Variants in LMLN observed in about 807,000 individuals in gnomAD.
LMLN encodes leishmanolysin-like peptidase.
In LMLN, 70 loss-of-function variants were observed where a neutral mutation model predicts 92.3. That is an observed-to-expected ratio of 0.76 (90% confidence interval 0.63 to 0.92). The LOEUF (loss-of-function observed/expected upper bound fraction) is 0.92. Ranked by LOEUF, LMLN falls within the 40% of genes least tolerant of loss-of-function variation. LMLN has a pLI of 0.00. For missense variants in LMLN, 691 were observed against 814.6 expected, an observed-to-expected ratio of 0.85 and a Z score of 1.85; for synonymous variants, 308 against 296.2, an observed-to-expected ratio of 1.04 and a Z score of -0.41.
At chr3:198,014,201 G>C (rs1179436506) in intron 11 of LMLN, among the ~76,000 whole-genome samples, 2 of 143,144 alleles carry the variant, frequency 1.4e-5, no homozygotes, top group African/African-American at 5.4e-5. Context: ...TGACTTCTCT[G>C]TACCCTTCAG....
At chr3:198,033,891 G>C (rs1035293747) in intron 14 of LMLN, among the ~76,000 whole-genome samples, 3 of 152,234 alleles carry the variant, frequency 2.0e-5, no homozygotes, top group African/African-American at 7.2e-5. Context: ...CGGAGTGACA[G>C]AGAAGAGGTC....
At chr3:198,013,821 G>T (rs28760486) in intron 11 of LMLN, among the ~76,000 whole-genome samples, 32,448 of 62,098 alleles carry the variant, frequency 0.52, 8,015 homozygotes, top group African/African-American at 0.79. Context: ...CTAACTAGTC[G>T]GACTTCTCTG....
At chr3:198,016,706 T>A (rs1299396496) in intron 11 of LMLN, among the ~76,000 whole-genome samples, 1 of 152,214 alleles carries the variant, frequency 6.6e-6, no homozygotes, top group Admixed American at 6.5e-5. Context: ...GTCCCAATTA[T>A]AACATCACCT....
intron 13 of LMLN, among the ~76,000 whole-genome samples, chr3:198,023,842 G>A (rs1397786610): frequency 6.6e-6 from 1 of 152,140 alleles, no homozygotes; most frequent in African/African-American, 2.4e-5. Context: ...TGGTTTTGCC[G>A]TTAAAGTAAT....
intron 5 of LMLN, among the ~76,000 whole-genome samples, chr3:197,978,749 A>T (rs1437188550): frequency 6.6e-5 from 10 of 152,064 alleles, no homozygotes; most frequent in Non-Finnish European, 1.5e-4. Flanking sequence ...CCAGCACTTT[A>T]GGGGGCTGAG....
At chr3:198,013,046 A>C (rs1341239857) in intron 11 of LMLN, among the ~76,000 whole-genome samples, 4 of 119,644 alleles carry the variant, frequency 3.3e-5, no homozygotes, top group East Asian at 2.3e-4. Flanking sequence ...AACTAGTCTG[A>C]CTTCTCTGTA....
intron 14 of LMLN, among the ~76,000 whole-genome samples, chr3:198,030,008 G>A (rs1199334084): frequency 6.6e-6 from 1 of 150,590 alleles, no homozygotes; most frequent in East Asian, 2.0e-4. Flanking sequence ...ATGCCTAGCT[G>A]TTTTTTTTTA....
chr3:197,989,887 T>A (rs928098480), intron 8 of LMLN, among the ~76,000 whole-genome samples: 1 of 151,750 alleles, frequency 6.6e-6, no homozygotes, highest in South Asian at 2.1e-4. Context: ...TTGAAAAAAA[T>A]TTTTCTGGAC....
chr3:197,971,786 T>C (rs1461979710), intron 1 of LMLN, among the ~76,000 whole-genome samples: 2 of 152,016 alleles, frequency 1.3e-5, no homozygotes, highest in Non-Finnish European at 1.5e-5. Flanking sequence ...TTTAGTGAAC[T>C]TCTTGGATCT....
chr3:197,993,626 A>G (rs1186868093), intron 9 of LMLN, among the ~76,000 whole-genome samples: 4 of 152,156 alleles, frequency 2.6e-5, no homozygotes, highest in African/African-American at 9.7e-5. Context: ...TTCATGGAGT[A>G]GAAGAATTAG....
At position 198,031,867 on chromosome 3, in the gene LMLN, C is replaced by A. The variant is rs559267990; in HGVS notation, c.1657-3966C>A. 6.6e-6 allele frequency among the ~76,000 whole-genome samples: 1 copy of A among 152,084 alleles called. No individual in the cohort carries two copies. The highest frequency in any genetic ancestry group is 2.1e-4 in the South Asian group (1 of 4,806). On this transcript the variant is annotated intron_variant, in intron 14 of 15. Coordinates refer to ENST00000330198, the Ensembl canonical transcript of LMLN. The surrounding 1 kb of genome is among the most constrained non-coding windows in gnomAD (Gnocchi z 4.8). ...CTGTAATCACAGCACTTTGGGAGCC[C>A]GAGACAGGCGGATCACTTGAGGTCA...
At chr3:198,030,228 A>G (rs1006538016) in intron 14 of LMLN, among the ~76,000 whole-genome samples, 5 of 152,222 alleles carry the variant, frequency 3.3e-5, no homozygotes, top group Non-Finnish European at 7.3e-5. Flanking sequence ...GAAAATAAGA[A>G]TTTAGTTGGT....
exon 14 of LMLN, chr3:198,024,761 C>T (rs1013236203): frequency 6.2e-7 from 1 of 1,610,650 alleles, no homozygotes; most frequent in East Asian, 2.2e-5. Flanking sequence ...AGCTGAGTTA[C>T]CCAGACTGGG....
intron 11 of LMLN, among the ~76,000 whole-genome samples, chr3:198,006,928 G>T (rs1380985717): frequency 2.0e-5 from 3 of 152,160 alleles, no homozygotes; most frequent in Non-Finnish European, 4.4e-5. Flanking sequence ...GGCCAGGCTG[G>T]TCTCGAACTC....
At chr3:197,963,904 C>T (rs1720976508) in intron 1 of LMLN, among the ~76,000 whole-genome samples, 1 of 152,168 alleles carries the variant, frequency 6.6e-6, no homozygotes, top group Non-Finnish European at 1.5e-5. Context: ...GTTAACTTTA[C>T]ATTTTTTTGT....
At chr3:198,009,497 GTTT>G (rs769493490) in intron 11 of LMLN, among the ~76,000 whole-genome samples, 46 of 152,274 alleles carry the variant, frequency 3.0e-4, no homozygotes, top group Middle Eastern at 3.4e-3. Flanking sequence ...GAACTAGGAA[GTTT>G]TTCCTCCTCT....
At chr3:198,008,172 G>T (rs917655788) in intron 11 of LMLN, among the ~76,000 whole-genome samples, 3 of 151,972 alleles carry the variant, frequency 2.0e-5, no homozygotes, top group Admixed American at 2.0e-4. Flanking sequence ...TATTTGTGAC[G>T]AATATAGATC....
chr3:198,026,393 T>A (rs7644090), intron 14 of LMLN, among the ~76,000 whole-genome samples: 9,810 of 152,152 alleles, frequency 0.064, 374 homozygotes, highest in African/African-American at 0.099. Flanking sequence ...ATCTCAGCTC[T>A]CTGCAACCTC....
rs766761269 is a variant in LMLN, at chr3:198,019,260, A to G, written c.1240A>G (p.Met414Val). ...ACTTCTCTTTGTTTGCAGGAGACAG[A>G]TGCTGAGCCCTTACTGTGACACGCT... The change falls in exon 12 of 16, where the codon ATG becomes GTG. Residue 414 changes from methionine (M) to valine (V), a missense_variant. Met to Val is a conservative substitution (Grantham distance 21). Transcript: ENST00000330198. This position sits in a 1 kb window ranked among gnomAD's most constrained non-coding sequence, Gnocchi z 5.5. The G allele has an allele frequency of 6.2e-7, 1 of 1,612,486 alleles. No individual in the cohort carries two copies. The highest frequency in any genetic ancestry group is 1.1e-5 in the South Asian group (1 of 90,654).
Sources: gnomAD v4.1 joint callset for allele counts (sites outside exome capture counted in the v4.1 genomes callset) on GRCh38, gnomAD v4.1.1 for gene constraint, Gnocchi (gnomAD v3.1) non-coding constraint, MANE v1.5 for transcripts, NCBI Gene and HGNC (gene_info 2026-07-23, HGNC 2026-07-21) for gene names.